The following OSBPL9 variants were observed in gnomAD, a reference collection of about 807,000 sequenced individuals.
OSBPL9 encodes the protein oxysterol-binding protein-related protein 9.
Under a neutral mutation model 106.6 loss-of-function variants are expected in OSBPL9, and 40 were observed. That is an observed-to-expected ratio of 0.38 (90% CI 0.29 to 0.49). The LOEUF (loss-of-function observed/expected upper bound fraction) is 0.49. OSBPL9 is among the 20% of genes least tolerant of loss of function. The pLI, the probability that OSBPL9 is intolerant of heterozygous loss-of-function variation, is 0.97. For synonymous variants in OSBPL9, 269 were observed against 295.4 expected, an observed-to-expected ratio of 0.91 and a Z score of 0.92; for missense variants, 609 against 887.2, an observed-to-expected ratio of 0.69 and a Z score of 3.98.
chr1:51,739,159 C>T (rs889554465), intron 4 of OSBPL9, among the ~76,000 whole-genome samples: 2 of 151,918 alleles, frequency 1.3e-5, no homozygotes, highest in East Asian at 1.9e-4. Context: ...CATTTTAGTG[C>T]CCTTCTGTCA....
chr1:51,580,775 T>C (rs902644467), intron 1 of OSBPL9, among the ~76,000 whole-genome samples: 11 of 150,022 alleles, frequency 7.3e-5, no homozygotes, highest in Admixed American at 1.3e-4. Context: ...AAATAATTTA[T>C]TGTAGAAAAT....
At chr1:51,758,758 C>A (rs1413718756) in intron 9 of OSBPL9, among the ~76,000 whole-genome samples, 1 of 152,162 alleles carries the variant, frequency 6.6e-6, no homozygotes, top group African/African-American at 2.4e-5. Flanking sequence ...GACATATTCT[C>A]ACTGCTATAT....
At chr1:51,689,114 C>A (rs1205611667) in intron 3 of OSBPL9, among the ~76,000 whole-genome samples, 3 of 152,136 alleles carry the variant, frequency 2.0e-5, no homozygotes, top group African/African-American at 7.2e-5. Context: ...AAAGGGCTTC[C>A]TTACCTGCAA....
chr1:51,576,422 A>G (rs1189154883), upstream of OSBPL9, among the ~76,000 whole-genome samples: 1 of 152,234 alleles, frequency 6.6e-6, no homozygotes, highest in African/African-American at 2.4e-5. Context: ...TTAGGCCCTC[A>G]TGGGGCTCCC....
chr1:51,565,100 G>A, the OSBPL9 span, among the ~76,000 whole-genome samples: 8 of 152,150 alleles, frequency 5.3e-5, no homozygotes, highest in Admixed American at 2.6e-4. Flanking sequence ...GCAACTGCCC[G>A]TCTCTCTGCA....
intron 1 of OSBPL9, among the ~76,000 whole-genome samples, chr1:51,635,797 G>A (rs1490588777): frequency 6.6e-6 from 1 of 151,556 alleles, no homozygotes; most frequent in African/African-American, 2.4e-5. Context: ...AATGTTATAG[G>A]CCACTAGATC....
At chr1:51,650,469 C>T (rs1646444271) in intron 1 of OSBPL9, among the ~76,000 whole-genome samples, 1 of 152,186 alleles carries the variant, frequency 6.6e-6, no homozygotes, top group Non-Finnish European at 1.5e-5. Context: ...TTTTCATCAA[C>T]TGTTTTCTTT....
chr1:51,735,127 G>A (rs1665367740), intron 4 of OSBPL9, among the ~76,000 whole-genome samples: 1 of 152,156 alleles, frequency 6.6e-6, no homozygotes, highest in Non-Finnish European at 1.5e-5. Context: ...TAGCAAATGG[G>A]AAGCAGTGAC....
chr1:51,652,061 T>C lies in OSBPL9; in HGVS notation c.162+20T>C. The stretch of plus-strand genomic sequence containing the variant: ...CTCAGAGTGAGTATTTATTCATTTT[T>C]ATGAAAATCAATTTTGACAGAAGAA... On this transcript the variant is annotated intron_variant, in intron 2 of 23. Coordinates refer to ENST00000428468, the MANE Select transcript of OSBPL9 (RefSeq NM_024586.6). 1 of 1,569,000 alleles carries C rather than the reference T, an allele frequency of 6.4e-7. No individual in the cohort carries two copies. The highest frequency in any genetic ancestry group is 1.4e-5 in the African/African-American group (1 of 73,362).
At position 51,729,806 on chromosome 1, in the gene OSBPL9, G is replaced by T. The variant is rs920963549; in HGVS notation, c.318+15727G>T. 1.8e-5 allele frequency: 22 copies of T among 1,239,716 alleles called. No homozygotes were observed. The African/African-American group carries it at 3.3e-4, about 18-fold the overall frequency. The allele number at this position is 1,239,716 out of a possible 1,614,324, so 76.8% of individuals were successfully genotyped here. On this transcript the variant is annotated intron_variant, in intron 4 of 23. Transcript: ENST00000428468. This position sits in a 1 kb window ranked among gnomAD's most constrained non-coding sequence, Gnocchi z 5.1. ...CCGCCGGGGAGGGGACGGGAAAGGG[G>T]TGGGGGGTGAAGGGGGTGAAGGGGG...
At chr1:51,761,626 T>C (rs1039339419) in intron 10 of OSBPL9, among the ~76,000 whole-genome samples, 3 of 152,194 alleles carry the variant, frequency 2.0e-5, no homozygotes, top group African/African-American at 4.8e-5. Flanking sequence ...TATACTGCAG[T>C]ATTGGCCTAC....
At chr1:51,623,414 C>T (rs907693073) in intron 1 of OSBPL9, among the ~76,000 whole-genome samples, 1 of 152,098 alleles carries the variant, frequency 6.6e-6, no homozygotes, top group Non-Finnish European at 1.5e-5. Context: ...ACAGTGGGAA[C>T]TGGAAAAAGG....
intron 1 of OSBPL9, among the ~76,000 whole-genome samples, chr1:51,596,095 A>G (rs1645297920): frequency 6.6e-6 from 1 of 151,818 alleles, no homozygotes; most frequent in Non-Finnish European, 1.5e-5. Flanking sequence ...CATCTCTACT[A>G]AGAAATACAA....
At chr1:51,608,716 A>C (rs1643966062) in intron 2 of OSBPL9, among the ~76,000 whole-genome samples, 2 of 151,746 alleles carry the variant, frequency 1.3e-5, no homozygotes, top group African/African-American at 4.9e-5. Flanking sequence ...TGTCCGCCTA[A>C]CTACCTACTC....
the OSBPL9 span, among the ~76,000 whole-genome samples, chr1:51,530,807 T>C: frequency 6.8e-6 from 1 of 147,230 alleles, no homozygotes; most frequent in African/African-American, 2.5e-5. Context: ...CCAGCCTCTA[T>C]TAAAGGGTGA....
chr1:51,639,051 A>T (rs1039160295), intron 1 of OSBPL9, among the ~76,000 whole-genome samples: 2 of 152,188 alleles, frequency 1.3e-5, no homozygotes, highest in Admixed American at 6.6e-5. Flanking sequence ...ACTATTTATT[A>T]ATTTACTTTT....
At chr1:51,758,385 A>G (rs1412944555) in intron 9 of OSBPL9, among the ~76,000 whole-genome samples, 2 of 151,102 alleles carry the variant, frequency 1.3e-5, no homozygotes, top group Non-Finnish European at 2.9e-5. Context: ...GCATTTCCGT[A>G]TTACACTGAT....
chr1:51,573,276 A>T (rs1202796896), upstream of OSBPL9, among the ~76,000 whole-genome samples: 1 of 151,708 alleles, frequency 6.6e-6, no homozygotes, highest in African/African-American at 2.4e-5. Context: ...TGGGAGGCAG[A>T]GGCAGACAGA....
In OSBPL9 at chr1:51,751,686, A is replaced by G. The variant is rs76110642; in HGVS notation, c.543+1491A>G. ...TTTTAGGGAATACATACTGCCTTCT[A>G]TTGAAGATTGGGGAAGCAGAGGAGC... On this transcript the variant is annotated intron_variant, in intron 8 of 23. Coordinates refer to ENST00000428468, the MANE Select transcript of OSBPL9 (RefSeq NM_024586.6). Among the ~76,000 whole-genome samples, 971 of 152,242 alleles carry G rather than the reference A, an allele frequency of 6.4e-3. 7 individuals are homozygous for G. Among genetic ancestry groups the G allele is most frequent in the Non-Finnish European group, 0.011 (758 of 67,998 alleles).
Sources: allele counts gnomAD v4.1 joint callset (sites outside exome capture counted in the v4.1 genomes callset), GRCh38; gene constraint gnomAD v4.1.1; non-coding constraint Gnocchi (gnomAD v3.1); transcripts MANE v1.5; gene names NCBI Gene and HGNC (gene_info 2026-07-23, HGNC 2026-07-21).